CEP128: variants seen among roughly 807,000 people sequenced by gnomAD.
CEP128 encodes centrosomal protein 128, also known as centrosomal protein 128kDa.
A neutral mutation model predicts 156.7 loss-of-function variants in CEP128; 132 were observed. That is an observed-to-expected ratio of 0.84 (90% CI 0.73 to 0.97). The LOEUF (loss-of-function observed/expected upper bound fraction) is 0.97, where lower values mean the gene tolerates loss of function less well. Among genes scored for constraint, CEP128 ranks in the 50% least tolerant of loss-of-function variants. The pLI is 0.00. For synonymous variants in CEP128, 469 were observed against 448.9 expected (o/e 1.04, Z -0.57); for missense variants, 1,252 against 1,281.9 (o/e 0.98, Z 0.36).
chr14:80,862,918 G>T, intron 8 of CEP128, 45 bp from the exon 9 acceptor site: 1 of 1,337,618 alleles, frequency 7.5e-7, no homozygotes, highest in Non-Finnish European at 1.1e-6. Context: ...GAGCTAGCAA[G>T]CAAAACAGAC....
chr14:80,916,512 G>A lies in CEP128; in HGVS notation c.36C>T (p.Arg12=). 1 of 1,613,996 alleles carries A rather than the reference G, an allele frequency of 6.2e-7. No homozygotes were observed. Among genetic ancestry groups the A allele is most frequent in the Non-Finnish European group, 8.5e-7 (1 of 1,179,912 alleles). The change falls in exon 3 of 25, where the codon CGC becomes CGT. Residue 12 remains arginine, a synonymous_variant. Coordinates refer to ENST00000555265, the MANE Select transcript of CEP128 (RefSeq NM_152446.5). ...CCCATGGACTCAATCGGTCACGACA[G>A]CGGAAGTGATCTGATTCGCTGGATG... ...AESSSESDHF[R]CRDRLSPWAA...
At chr14:80,944,803 C>G (rs1227119584), upstream of CEP128, among the ~76,000 whole-genome samples, 1 of 104,984 alleles carries the variant, frequency 9.5e-6, no homozygotes, top group African/African-American at 3.6e-5. Flanking sequence ...GCCTGGGCGA[C>G]AGAGTCAAGA....
chr14:80,874,581 A>C (rs1297809895), intron 8 of CEP128, among the ~76,000 whole-genome samples: 1 of 152,194 alleles, frequency 6.6e-6, no homozygotes, highest in Non-Finnish European at 1.5e-5. Context: ...ATTCAGTTGA[A>C]AGTAACTAGA....
Position 80,851,649 on chromosome 14 carries a change from T to TA in CEP128, c.763-10882dup, listed in dbSNP as rs574209957. Reference sequence around the variant, plus strand: ...GGGAAAAAGAAACAAAAAGAGAAGTTAAAAAAAAATAAATAAGATAAAAAC... The same window carrying TA: ...GGGAAAAAGAAACAAAAAGAGAAGTTAAAAAAAAAATAAATAAGATAAAAAC... On this transcript the variant is annotated intron_variant, in intron 9 of 24. Transcript: ENST00000555265. Among the ~76,000 whole-genome samples, 130 of 150,148 alleles carry TA rather than the reference T, an allele frequency of 8.7e-4. 5 individuals carry two copies. The South Asian group carries it at 0.012, about 14-fold the overall frequency.
At chr14:80,605,964 A>T (rs1000337816) in intron 19 of CEP128, among the ~76,000 whole-genome samples, 9 of 151,806 alleles carry the variant, frequency 5.9e-5, no homozygotes, top group Non-Finnish European at 1.3e-4. Flanking sequence ...TATAAACTTT[A>T]AAAAATTATT....
chr14:80,520,214 T>C (rs1285799116), intron 23 of CEP128, among the ~76,000 whole-genome samples: 1 of 151,998 alleles, frequency 6.6e-6, no homozygotes, highest in Non-Finnish European at 1.5e-5. Context: ...AGGTCAGGGG[T>C]TGGAGACCAG....
At chr14:80,686,362 T>C (rs2139282321) in intron 19 of CEP128, among the ~76,000 whole-genome samples, 2 of 152,134 alleles carry the variant, frequency 1.3e-5, no homozygotes, top group East Asian at 3.9e-4. Context: ...AAATCATTTT[T>C]AGACAAGCAA....
intron 23 of CEP128, among the ~76,000 whole-genome samples, chr14:80,506,769 A>G (rs1023189625): frequency 3.3e-5 from 5 of 152,322 alleles, no homozygotes; most frequent in African/African-American, 9.6e-5. Flanking sequence ...CAACAGGTCC[A>G]TATATTTTGA....
chr14:80,512,420 T>C (rs1888304045), intron 23 of CEP128, among the ~76,000 whole-genome samples: 1 of 152,034 alleles, frequency 6.6e-6, no homozygotes, highest in Admixed American at 6.6e-5. Flanking sequence ...TTTGGGTTTC[T>C]GTTTGCATGA....
intron 8 of CEP128, among the ~76,000 whole-genome samples, chr14:80,866,767 A>G (rs1887786832): frequency 6.6e-6 from 1 of 152,216 alleles, no homozygotes; most frequent in African/African-American, 2.4e-5. Flanking sequence ...ATAAAGCACC[A>G]GCAAGCAATC....
At chr14:80,841,616 T>C (rs1409119172) in intron 9 of CEP128, among the ~76,000 whole-genome samples, 2 of 152,052 alleles carry the variant, frequency 1.3e-5, no homozygotes, top group Admixed American at 1.3e-4. Flanking sequence ...AATATACATT[T>C]ACTCCTCATG....
chr14:80,826,093 G>A (rs932795651), intron 13 of CEP128, among the ~76,000 whole-genome samples: 7 of 130,746 alleles, frequency 5.4e-5, no homozygotes, highest in Admixed American at 8.1e-5. Flanking sequence ...GTGACAGAGC[G>A]AGATTCTGTC....
chr14:80,545,116 CTG>C (rs1439044389), intron 21 of CEP128, among the ~76,000 whole-genome samples: 2 of 152,194 alleles, frequency 1.3e-5, no homozygotes, highest in Non-Finnish European at 2.9e-5. Context: ...TTTCTCCTCC[CTG>C]TGAGCCTACT....
chr14:80,525,554 C>T (rs938050751), intron 23 of CEP128, among the ~76,000 whole-genome samples: 2 of 152,168 alleles, frequency 1.3e-5, no homozygotes, highest in African/African-American at 4.8e-5. Flanking sequence ...TAGTGGCACT[C>T]CTTTACATGA....
intron 13 of CEP128, among the ~76,000 whole-genome samples, chr14:80,817,640 T>C (rs1265168603): frequency 6.6e-6 from 1 of 152,132 alleles, no homozygotes; most frequent in Non-Finnish European, 1.5e-5. Flanking sequence ...CCCAGTACTT[T>C]GGGAGGCCAA....
intron 19 of CEP128, among the ~76,000 whole-genome samples, chr14:80,676,369 C>T (rs1896060613): frequency 6.6e-6 from 1 of 151,796 alleles, no homozygotes; most frequent in African/African-American, 2.4e-5. Context: ...TGCTGGTGAA[C>T]ATGTTTTATT....
intron 23 of CEP128, among the ~76,000 whole-genome samples, chr14:80,518,612 AT>A (rs1888600506): frequency 6.6e-6 from 1 of 152,162 alleles, no homozygotes; most frequent in Non-Finnish European, 1.5e-5. Flanking sequence ...TTTCCTTACA[AT>A]TCTATCAGTT....
At chr14:80,647,700 T>C (rs1274791725) in intron 19 of CEP128, among the ~76,000 whole-genome samples, 1 of 152,076 alleles carries the variant, frequency 6.6e-6, no homozygotes, top group Non-Finnish European at 1.5e-5. Context: ...ACCAGGCATG[T>C]GGCTAAATAG....
In CEP128 at chr14:80,930,603, C is replaced by T. The variant is rs180759234; in HGVS notation, c.-16+8782G>A. On this transcript the variant is annotated intron_variant, in intron 2 of 24. Coordinates refer to ENST00000555265, the MANE Select transcript of CEP128 (RefSeq NM_152446.5). ...GAGTTCATTGCAACAGGTGATTCGC[C>T]TTCTCCAAGCCTGCTTTGTGTATGT... Among the ~76,000 whole-genome samples, 507 of 152,302 alleles carry T rather than the reference C, an allele frequency of 3.3e-3. 3 individuals are homozygous for T. Among genetic ancestry groups the T allele is most frequent in the Middle Eastern group, 0.01 (3 of 294 alleles).
Sources: allele counts gnomAD v4.1 joint callset (sites outside exome capture counted in the v4.1 genomes callset), GRCh38; gene constraint gnomAD v4.1.1; transcripts MANE v1.5; gene names NCBI Gene and HGNC (gene_info 2026-07-23, HGNC 2026-07-21).